The following LPIN1 variants were observed in gnomAD, a reference collection of about 807,000 sequenced individuals.
LPIN1 encodes lipin 1.
A neutral mutation model predicts 107.5 loss-of-function variants in LPIN1; 71 were observed. The ratio of observed to expected loss-of-function variants is 0.66; its 90% CI spans 0.55 to 0.80. LPIN1 has a LOEUF of 0.80. Among genes scored for constraint, LPIN1 ranks in the 30% least tolerant of loss-of-function variants. LPIN1 has a pLI of 0.00. For missense variants in LPIN1, 1,043 were observed against 1,160.6 expected (o/e 0.90, Z 1.47); for synonymous variants, 445 against 452.6 (o/e 0.98, Z 0.21).
chr2:11,807,878 G>A (rs2148708242), intron 17 of LPIN1, among the ~76,000 whole-genome samples: 1 of 152,152 alleles, frequency 6.6e-6, no homozygotes, highest in Admixed American at 6.5e-5. Context: ...TCCTTGATGT[G>A]GCATTTGAAA....
At chr2:11,762,610 G>C (rs1670026127) in intron 1 of LPIN1, among the ~76,000 whole-genome samples, 1 of 152,142 alleles carries the variant, frequency 6.6e-6, no homozygotes, top group Non-Finnish European at 1.5e-5. Flanking sequence ...TATTGCTCTG[G>C]AGCTAAGGAG....
intron 3 of LPIN1, among the ~76,000 whole-genome samples, chr2:11,768,657 C>A (rs1671327754): frequency 6.6e-6 from 1 of 152,098 alleles, no homozygotes; most frequent in African/African-American, 2.4e-5. Flanking sequence ...CAACTTGGGG[C>A]TGGGCATGGT....
chr2:11,784,891 A>T lies in LPIN1; in HGVS notation c.1364A>T (p.Asp455Val), dbSNP rs1466039225. Residue 455 changes from aspartate (D) to valine (V), a missense_variant, in exon 10 of 21, where the codon GAT becomes GTT. Coordinates refer to ENST00000674199, the MANE Select transcript of LPIN1 (RefSeq NM_001349206.2). ...VAALYFPKNG[D>V]PSGLAKHASD... The stretch of plus-strand genomic sequence containing the variant: ...GCCGCTTTTCCTCCTTCCAGCGGAG[A>T]TCCTTCCGGACTCGCAAAACATGCA... 2 of 1,613,786 alleles carry T rather than the reference A, an allele frequency of 1.2e-6. No homozygotes were observed. The highest frequency in any genetic ancestry group is 4.5e-5 in the East Asian group (2 of 44,852).
chr2:11,721,263 C>CGTGTGTGGGTGT (rs1664119687), upstream of LPIN1, among the ~76,000 whole-genome samples: 1 of 129,808 alleles, frequency 7.7e-6, no homozygotes, highest in Non-Finnish European at 1.6e-5. Flanking sequence ...GTACTGCATG[C>CGTGTGTGGGTGT]GTGTGTGTGT....
intron 17 of LPIN1, among the ~76,000 whole-genome samples, chr2:11,808,893 G>A (rs1300689971): frequency 2.6e-5 from 4 of 151,158 alleles, no homozygotes; most frequent in Admixed American, 1.3e-4. Flanking sequence ...AAAAGAGAGA[G>A]CGAGAGAGAG....
chr2:11,778,592 C>T lies in LPIN1; in HGVS notation c.831-927C>T, dbSNP rs547291854. ...AATAGATAAGGTCTGGGAAAGAAGA[C>T]GGCAAGGGAAACTGAAAGCTTTATT... On this transcript the variant is annotated intron_variant, in intron 6 of 20. Transcript: ENST00000674199. 6.6e-5 allele frequency among the ~76,000 whole-genome samples: 10 copies of T among 152,266 alleles called. 1 individual carries two copies. The South Asian group carries it at 1.5e-3, about 22-fold the overall frequency.
chr2:11,712,014 G>A (rs1191755191), intron 1 of LPIN1, among the ~76,000 whole-genome samples: 1 of 152,184 alleles, frequency 6.6e-6, no homozygotes, highest in East Asian at 1.9e-4. Flanking sequence ...TGTTGTTTGA[G>A]GAGGGCATTC....
chr2:11,741,236 C>A, intron 1 of LPIN1: 1 of 673,996 alleles, frequency 1.5e-6, no homozygotes, highest in Non-Finnish European at 2.5e-6. Context: ...CAGCTGTGTC[C>A]CTAAGTTGCT....
chr2:11,705,733 G>A (rs1279227419), intron 1 of LPIN1, among the ~76,000 whole-genome samples: 1 of 152,214 alleles, frequency 6.6e-6, no homozygotes, highest in East Asian at 1.9e-4. Flanking sequence ...GCAAGTGTGG[G>A]TGAAAACTGT....
At chr2:11,790,581 T>C (rs1330860996) in intron 12 of LPIN1, among the ~76,000 whole-genome samples, 2 of 152,212 alleles carry the variant, frequency 1.3e-5, no homozygotes, top group Non-Finnish European at 2.9e-5. Flanking sequence ...GAACAGAGTT[T>C]CAGATCTGTC....
intron 20 of LPIN1, among the ~76,000 whole-genome samples, chr2:11,821,564 G>T (rs1370547): frequency 0.077 from 11,649 of 152,214 alleles, 970 homozygotes; most frequent in African/African-American, 0.19. Flanking sequence ...TAGCCCGAGG[G>T]GTTCCTCTTT....
intron 4 of LPIN1, among the ~76,000 whole-genome samples, chr2:11,773,298 T>A (rs1335431055): frequency 6.6e-6 from 1 of 152,218 alleles, no homozygotes; most frequent in Non-Finnish European, 1.5e-5. Flanking sequence ...CCTCCCAGGC[T>A]TTTGGAACAT....
At chr2:11,716,829 A>G (rs1663778911) in intron 2 of LPIN1, among the ~76,000 whole-genome samples, 1 of 152,244 alleles carries the variant, frequency 6.6e-6, no homozygotes, top group South Asian at 2.1e-4. Context: ...GATTCAAGAC[A>G]GCAAAAGACC....
In LPIN1 at chr2:11,779,601, C is replaced by T. The variant is rs765611859; in HGVS notation, c.913C>T (p.Pro305Ser). The T allele has an allele frequency of 1.9e-6, 3 of 1,614,094 alleles. No individual in the cohort carries two copies. The highest frequency in any genetic ancestry group is 3.3e-5 in the Admixed American group (2 of 60,022). ...KSTERTGQKN[P>S]EMLWLWGELP... is the part of the protein sequence containing the mutation. Reference sequence around the variant, plus strand: ...CACGGAAAGGACAGGGCAGAAGAACCCAGAAATGCTTTGGCTGTGGGGAGA... The same window carrying T: ...CACGGAAAGGACAGGGCAGAAGAACTCAGAAATGCTTTGGCTGTGGGGAGA... The change falls in exon 7 of 21, where the codon CCA becomes TCA. Residue 305 changes from proline (P) to serine (S), a missense_variant. By Grantham distance (74) the Pro-to-Ser change is moderately conservative (BLOSUM62 -1). Coordinates refer to ENST00000674199, the MANE Select transcript of LPIN1 (RefSeq NM_001349206.2).
intron 1 of LPIN1, among the ~76,000 whole-genome samples, chr2:11,698,031 TGTC>T (rs1250969312): frequency 5.3e-5 from 8 of 152,184 alleles, no homozygotes; most frequent in African/African-American, 1.9e-4. Context: ...AGCGCTGTGT[TGTC>T]GTTTCTGTCA....
intron 1 of LPIN1, among the ~76,000 whole-genome samples, chr2:11,678,126 T>TAG (rs1661525655): frequency 6.6e-6 from 1 of 151,764 alleles, no homozygotes; most frequent in African/African-American, 2.4e-5. Flanking sequence ...GTGTGGAGAG[T>TAG]TGAAGGGACC....
intron 20 of LPIN1, among the ~76,000 whole-genome samples, chr2:11,821,876 C>T (rs1317448375): frequency 6.6e-6 from 1 of 152,190 alleles, no homozygotes; most frequent in Non-Finnish European, 1.5e-5. Flanking sequence ...CTGTTCCCTC[C>T]TGCAGAAGGC....
At chr2:11,788,533 T>A (rs566252718) in intron 12 of LPIN1, 77 bp downstream of exon 12, 1 of 1,154,332 alleles carries the variant, frequency 8.7e-7, no homozygotes, top group East Asian at 2.3e-5. Flanking sequence ...GGAATTTCAC[T>A]TTTATTTTGG....
rs117833478 is a variant in LPIN1 at position 11,714,943 on chromosome 2, T to G, written c.138+1131T>G. Reference sequence around the variant, plus strand: ...GACGAATCCAGAGGCGTCAGTGACATGGATGAAGAAGGCTGCAAGGAAGGC... The same window carrying G: ...GACGAATCCAGAGGCGTCAGTGACAGGGATGAAGAAGGCTGCAAGGAAGGC... On this transcript the variant is annotated intron_variant, in intron 2 of 21. Coordinates refer to the LPIN1 transcript ENST00000449576. Among the ~76,000 whole-genome samples the G allele has an allele frequency of 2.5e-3, 374 of 152,264 alleles. 3 individuals are homozygous for G. In the East Asian group the frequency reaches 0.038, roughly 16 times the overall value.
Sources: gnomAD v4.1 joint callset for allele counts (sites outside exome capture counted in the v4.1 genomes callset) on GRCh38, gnomAD v4.1.1 for gene constraint, MANE v1.5 for transcripts, NCBI Gene and HGNC (gene_info 2026-07-23, HGNC 2026-07-21) for gene names.